The following PDCD6IP variants were observed in gnomAD, a reference collection of about 807,000 sequenced individuals.
The protein encoded by PDCD6IP is programmed cell death 6-interacting protein.
A neutral mutation model predicts 103.7 loss-of-function variants in PDCD6IP; 43 were observed. The observed-to-expected ratio is 0.41, with a 90% CI of 0.32 to 0.53. The LOEUF is 0.53. Among genes scored for constraint, PDCD6IP ranks in the 20% least tolerant of loss-of-function variants. PDCD6IP has a pLI of 0.16. For missense variants in PDCD6IP, 871 were observed against 1,036.7 expected (o/e 0.84, Z 2.20); for synonymous variants, 354 against 378.7 (o/e 0.93, Z 0.76).
rs564266926 is a variant in PDCD6IP at position 33,800,483 on chromosome 3, G to T, written c.209+1546G>T. 2.0e-5 allele frequency among the ~76,000 whole-genome samples: 3 copies of T among 152,258 alleles called. No homozygotes were observed. In the South Asian group the frequency reaches 6.2e-4, roughly 32 times the overall value. On this transcript the variant is annotated intron_variant, in intron 1 of 17. Coordinates refer to ENST00000307296, the MANE Select transcript of PDCD6IP (RefSeq NM_013374.6). ...CATGGATCAAAGCAAGATGAGTCCG[G>T]ACTGGGGAAGGGTTGGTTCTCCGAA...
At chr3:33,821,686 A>G (rs567892746) in intron 3 of PDCD6IP, among the ~76,000 whole-genome samples, 1 of 152,298 alleles carries the variant, frequency 6.6e-6, no homozygotes, top group East Asian at 1.9e-4. Flanking sequence ...TTTGAATTTG[A>G]TTGTAATAGA....
chr3:33,814,862 ATG>A (rs1294908917), intron 3 of PDCD6IP, among the ~76,000 whole-genome samples: 2 of 145,404 alleles, frequency 1.4e-5, no homozygotes, highest in Non-Finnish European at 3.0e-5. Flanking sequence ...ATATACATAT[ATG>A]TATATACATA....
intron 12 of PDCD6IP, among the ~76,000 whole-genome samples, chr3:33,851,921 CCT>C (rs964836547): frequency 6.6e-6 from 1 of 152,184 alleles, no homozygotes; most frequent in Non-Finnish European, 1.5e-5. Context: ...TCTGTCTTCA[CCT>C]CTGTTTCTCT....
chr3:33,803,581 T>C (rs1696525456), intron 1 of PDCD6IP, among the ~76,000 whole-genome samples: 1 of 152,228 alleles, frequency 6.6e-6, no homozygotes, highest in African/African-American at 2.4e-5. Context: ...TTCTTGTCTC[T>C]CAACTGTGTT....
At chr3:33,845,066 T>C (rs1294689952) in intron 11 of PDCD6IP, among the ~76,000 whole-genome samples, 1 of 152,120 alleles carries the variant, frequency 6.6e-6, no homozygotes, top group African/African-American at 2.4e-5. Flanking sequence ...ACATTGCTCT[T>C]TTGACAGAGG....
intron 1 of PDCD6IP, among the ~76,000 whole-genome samples, chr3:33,799,933 G>A (rs1361005826): frequency 2.0e-5 from 3 of 151,748 alleles, no homozygotes; most frequent in African/African-American, 4.8e-5. Context: ...ATCCTGGCTA[G>A]CACGGTGAAA....
chr3:33,803,803 A>T (rs1023383864), intron 1 of PDCD6IP, among the ~76,000 whole-genome samples: 37 of 152,180 alleles, frequency 2.4e-4, no homozygotes, highest in Non-Finnish European at 5.0e-4. Context: ...TTTTTTAAAA[A>T]ATGTTCTTTG....
At chr3:33,851,538 C>T (rs1482988153) in intron 12 of PDCD6IP, among the ~76,000 whole-genome samples, 15 of 152,220 alleles carry the variant, frequency 9.9e-5, no homozygotes, top group Non-Finnish European at 2.2e-4. Context: ...GTGGCATGAT[C>T]ATGGCTCACT....
intron 1 of PDCD6IP, among the ~76,000 whole-genome samples, chr3:33,802,838 C>G (rs1206531749): frequency 1.3e-5 from 2 of 152,142 alleles, no homozygotes; most frequent in African/African-American, 4.8e-5. Flanking sequence ...AGTAGAGGAT[C>G]TGGGAGCCTG....
rs535186744 is a variant in PDCD6IP at position 33,834,423 on chromosome 3, C to CA, written c.835-1618dup. On this transcript the variant is annotated intron_variant, in intron 7 of 17. Transcript: ENST00000307296. ...GGAGGGTTCAACCACATTTACAAAT[C>CA]AAATTTGATTTACAAATTTAAAAAG... Among the ~76,000 whole-genome samples the CA allele has an allele frequency of 6.6e-4, 101 of 152,292 alleles. 2 individuals are homozygous for CA. Among genetic ancestry groups the CA allele is most frequent in the Admixed American group, 5.2e-3 (80 of 15,302 alleles).
chr3:33,857,687 A>T (rs1697859584), intron 15 of PDCD6IP, among the ~76,000 whole-genome samples: 1 of 152,194 alleles, frequency 6.6e-6, no homozygotes, highest in African/African-American at 2.4e-5. Context: ...GAAAGATCAC[A>T]GGTTTGTCTT....
chr3:33,810,152 A>G (rs1696683402), intron 1 of PDCD6IP, among the ~76,000 whole-genome samples: 1 of 152,222 alleles, frequency 6.6e-6, no homozygotes, highest in Non-Finnish European at 1.5e-5. Flanking sequence ...TCTTACCAGA[A>G]TTAGATATTA....
At chr3:33,818,768 C>T (rs1696921767) in intron 3 of PDCD6IP, among the ~76,000 whole-genome samples, 1 of 151,650 alleles carries the variant, frequency 6.6e-6, no homozygotes. Flanking sequence ...CTGTCCGCCT[C>T]AGCCTCCCAA....
intron 14 of PDCD6IP, 135 bp downstream of exon 14, chr3:33,854,148 C>A (rs1400327460): frequency 8.4e-6 from 8 of 957,774 alleles, no homozygotes; most frequent in African/African-American, 7.0e-5. Flanking sequence ...ATTGCTGCTG[C>A]GAAGTTTGTT....
At chr3:33,844,577 C>T (rs540981126) in intron 11 of PDCD6IP, among the ~76,000 whole-genome samples, 75 of 152,222 alleles carry the variant, frequency 4.9e-4, no homozygotes, top group African/African-American at 1.7e-3. Context: ...ACCTCCAGGG[C>T]TCAGGCAATC....
At chr3:33,799,836 T>C (rs534656951) in intron 1 of PDCD6IP, among the ~76,000 whole-genome samples, 38 of 152,242 alleles carry the variant, frequency 2.5e-4, no homozygotes, top group African/African-American at 7.5e-4. Flanking sequence ...AAAAGACTTA[T>C]TCTGCCGGGC....
chr3:33,817,041 A>G (rs1696869352), intron 3 of PDCD6IP, among the ~76,000 whole-genome samples: 1 of 152,234 alleles, frequency 6.6e-6, no homozygotes, highest in African/African-American at 2.4e-5. Flanking sequence ...CTACTCATTC[A>G]TTTGAATATT....
At chr3:33,848,024 G>T (rs1030020813) in intron 12 of PDCD6IP, among the ~76,000 whole-genome samples, 1 of 152,118 alleles carries the variant, frequency 6.6e-6, no homozygotes, top group Non-Finnish European at 1.5e-5. Flanking sequence ...AGCATAAAGA[G>T]AATTGTTTAA....
Position 33,869,553 on chromosome 3 carries a change from C to T in PDCD6IP, c.*3028C>T, listed in dbSNP as rs1404418528. The T allele has an allele frequency of 1.3e-5, 2 of 152,136 alleles. No homozygotes were observed. Among genetic ancestry groups the T allele is most frequent in the Non-Finnish European group, 2.9e-5 (2 of 68,024 alleles). 9.4% of individuals were successfully genotyped at this position (152,136 alleles called of 1,614,324 possible). A position where few individuals can be genotyped will look rare whatever the true frequency, so the allele number is the denominator to read the frequency against. ...TTTTTAAAAAAATCCTATATTATCACACCAGAGATTTTAGATTCTTTTCTG... is the reference window on the plus strand; with the variant it reads ...TTTTTAAAAAAATCCTATATTATCATACCAGAGATTTTAGATTCTTTTCTG... On this transcript the variant is annotated 3_prime_UTR_variant, in exon 18 of 18. Coordinates refer to ENST00000307296, the MANE Select transcript of PDCD6IP (RefSeq NM_013374.6).
Sources: gnomAD v4.1 joint callset for allele counts (sites outside exome capture counted in the v4.1 genomes callset) on GRCh38, gnomAD v4.1.1 for gene constraint, MANE v1.5 for transcripts, NCBI Gene and HGNC (gene_info 2026-07-23, HGNC 2026-07-21) for gene names.